CCR3: variants seen among roughly 807,000 people sequenced by gnomAD.
CCR3 encodes the protein C-C chemokine receptor type 3.
For synonymous variants in CCR3, 203 were observed against 179.2 expected (o/e 1.13, Z -1.06); for missense variants, 419 against 437.5 (o/e 0.96, Z 0.38).
At chr3:46,224,816 G>A (rs1699876283) in intron 2 of CCR3, among the ~76,000 whole-genome samples, 1 of 150,520 alleles carries the variant, frequency 6.6e-6, no homozygotes, top group Admixed American at 6.6e-5. Context: ...AAAAGGTTAT[G>A]AGGCAATGAG....
At chr3:46,217,133 A>G (rs1699784761) in intron 2 of CCR3, among the ~76,000 whole-genome samples, 1 of 152,248 alleles carries the variant, frequency 6.6e-6, no homozygotes, top group African/African-American at 2.4e-5. Flanking sequence ...TTCCATGCAA[A>G]TGGAAACCAA....
intron 2 of CCR3, among the ~76,000 whole-genome samples, chr3:46,232,825 G>A (rs1338454284): frequency 6.6e-6 from 1 of 152,128 alleles, no homozygotes. Context: ...TATCTATCAG[G>A]GGAATAATCC....
intron 1 of CCR3, among the ~76,000 whole-genome samples, chr3:46,251,658 A>G (rs1700316173): frequency 6.6e-6 from 1 of 152,172 alleles, no homozygotes; most frequent in Non-Finnish European, 1.5e-5. Context: ...TGTGAGCAAC[A>G]TGGCTGTTTA....
At chr3:46,239,200 T>A (rs1336024370), upstream of CCR3, among the ~76,000 whole-genome samples, 1 of 152,232 alleles carries the variant, frequency 6.6e-6, no homozygotes, top group African/African-American at 2.4e-5. Flanking sequence ...TCTTTGTTTT[T>A]CTCCAAGGTG....
At chr3:46,246,443 A>C (rs1164859086) in intron 1 of CCR3, among the ~76,000 whole-genome samples, 1 of 151,392 alleles carries the variant, frequency 6.6e-6, no homozygotes, top group Non-Finnish European at 1.5e-5. Context: ...TTACAGTCAA[A>C]GGGGGTTTGT....
intron 1 of CCR3, among the ~76,000 whole-genome samples, chr3:46,262,606 GA>G (rs145057833): frequency 0.022 from 3,357 of 152,242 alleles, 113 homozygotes; most frequent in African/African-American, 0.07. Context: ...AGACTGGGTA[GA>G]CAGGTGAAAA....
intron 1 of CCR3, chr3:46,264,382 C>T: frequency 6.6e-7 from 1 of 1,515,644 alleles, no homozygotes. Flanking sequence ...GTATTTTTTT[C>T]ACAGCTGCTG....
chr3:46,243,549 C>T (rs1032538888), intron 1 of CCR3, among the ~76,000 whole-genome samples: 2 of 151,862 alleles, frequency 1.3e-5, no homozygotes, highest in Non-Finnish European at 2.9e-5. Flanking sequence ...AAAGCCTTAC[C>T]GATTCTTCTG....
At position 46,251,072 on chromosome 3, in the gene CCR3, C is replaced by T. The variant is rs1488292671; in HGVS notation, c.-12+8534C>T. Among the ~76,000 whole-genome samples, 5 of 151,872 alleles carry T rather than the reference C, an allele frequency of 3.3e-5. No individual in the cohort carries two copies. In the South Asian group the frequency reaches 6.2e-4, roughly 19 times the overall value. On this transcript the variant is annotated intron_variant, in intron 1 of 1. Coordinates refer to ENST00000395940, the MANE Select transcript of CCR3 (RefSeq NM_178329.3). ...AGGGGTTGAGGGGTACTTGCCCCTC[C>T]CCCAGAAAAGCAGAGAAGGGGTAGA... is the stretch of plus-strand genomic sequence containing the variant.
intron 2 of CCR3, among the ~76,000 whole-genome samples, chr3:46,215,408 TC>T (rs1699762464): frequency 6.6e-6 from 1 of 152,114 alleles, no homozygotes; most frequent in Non-Finnish European, 1.5e-5. Context: ...GACCCAGGAA[TC>T]TGTGTTTTAA....
chr3:46,245,290 T>C (rs941500109), intron 1 of CCR3, among the ~76,000 whole-genome samples: 61 of 150,704 alleles, frequency 4.0e-4, no homozygotes, highest in African/African-American at 1.3e-3. Flanking sequence ...CCTCATTCCG[T>C]TCCTGCACTG....
At chr3:46,235,858 G>A (rs1018325702) in intron 2 of CCR3, among the ~76,000 whole-genome samples, 7 of 152,288 alleles carry the variant, frequency 4.6e-5, no homozygotes, top group Admixed American at 1.3e-4. Flanking sequence ...ATCTGCTGCC[G>A]AAGGCTCTAC....
chr3:46,250,930 T>A (rs1700297056), intron 1 of CCR3, among the ~76,000 whole-genome samples: 1 of 150,414 alleles, frequency 6.6e-6, no homozygotes, highest in Non-Finnish European at 1.5e-5. Context: ...AGATAAGAGG[T>A]CAGGGTGAGG....
intron 1 of CCR3, chr3:46,264,378 T>C: frequency 6.6e-7 from 1 of 1,506,886 alleles, no homozygotes; most frequent in South Asian, 1.2e-5. Context: ...ATGTGTATTT[T>C]TTTCACAGCT....
chr3:46,264,277 A>C, intron 1 of CCR3: 1 of 777,810 alleles, frequency 1.3e-6, no homozygotes, highest in Non-Finnish European at 2.1e-6. Flanking sequence ...CACCAGGGGC[A>C]AGAAAAGGAA....
At chr3:46,228,467 TG>T (rs1699928358) in intron 2 of CCR3, among the ~76,000 whole-genome samples, 2 of 152,210 alleles carry the variant, frequency 1.3e-5, no homozygotes, top group South Asian at 4.1e-4. Context: ...CATGTCTTCC[TG>T]GCCATCTGCC....
upstream of CCR3, among the ~76,000 whole-genome samples, chr3:46,237,626 C>A (rs1700038115): frequency 6.6e-6 from 1 of 152,090 alleles, no homozygotes. Flanking sequence ...AGATAGGGGT[C>A]CAGTTTCATT....
At chr3:46,213,609 T>C (rs1699741166) in intron 2 of CCR3, among the ~76,000 whole-genome samples, 2 of 152,202 alleles carry the variant, frequency 1.3e-5, no homozygotes. Context: ...TTTCTTGAAC[T>C]TCATCCCTCT....
chr3:46,242,959 A>ATG (rs765636320), intron 1 of CCR3, among the ~76,000 whole-genome samples: 25,506 of 123,876 alleles, frequency 0.21, 2,808 homozygotes, highest in Admixed American at 0.29. Context: ...TTACATATAT[A>ATG]TGTGTATATA....
Sources: gnomAD v4.1 joint callset for allele counts (sites outside exome capture counted in the v4.1 genomes callset) on GRCh38, gnomAD v4.1.1 for gene constraint, MANE v1.5 for transcripts, NCBI Gene and HGNC (gene_info 2026-07-23, HGNC 2026-07-21) for gene names.